Variants in CD22 observed in about 807,000 individuals in gnomAD.
CD22 encodes the protein CD22 molecule, also known as B-cell receptor CD22.
CD22 carries 51 observed loss-of-function variants against 94.7 expected under a neutral mutation model. The observed-to-expected ratio is 0.54, with a 90% CI of 0.43 to 0.68. CD22 has a LOEUF of 0.68. Among genes scored for constraint, CD22 ranks in the 30% least tolerant of loss-of-function variants. The pLI is 0.00. For synonymous variants in CD22, 424 were observed against 422.5 expected, an observed-to-expected ratio of 1.00 and a Z score of -0.04; for missense variants, 931 against 1,060.4, an observed-to-expected ratio of 0.88 and a Z score of 1.69.
intron 3 of CD22, among the ~76,000 whole-genome samples, chr19:35,333,818 A>G (rs2267573): frequency 0.8 from 121,421 of 152,188 alleles, 49,276 homozygotes; most frequent in African/African-American, 0.94. Flanking sequence ...TCAAAGCATT[A>G]GGATTACAGG....
chr19:35,338,585 T>C (rs1039185483), intron 6 of CD22, among the ~76,000 whole-genome samples, 154 bp downstream of exon 6: 22 of 152,030 alleles, frequency 1.4e-4, no homozygotes, highest in Admixed American at 1.1e-3. Flanking sequence ...GCTCCTAGCA[T>C]AGGGCCTGGC....
rs1012106322 is a variant in CD22 at position 35,341,623 on chromosome 19, G to A, written c.1771+17G>A. ...AAGTGCTGTGTGAGTGAGGGCCGGA[G>A]GCTGGGAGTGGAGCAGAGAAGGGAC... On this transcript the variant is annotated intron_variant, in intron 8 of 13. Coordinates refer to ENST00000085219, the MANE Select transcript of CD22 (RefSeq NM_001771.4). The surrounding 1 kb of genome is among the most constrained non-coding windows in gnomAD (Gnocchi z 4.0). The A allele has an allele frequency of 6.2e-7, 1 of 1,608,068 alleles. No individual in the cohort carries two copies. Among genetic ancestry groups the A allele is most frequent in the African/African-American group, 1.3e-5 (1 of 74,786 alleles).
rs1318574480 is a variant in CD22 at position 35,336,575 on chromosome 19, G to A, written c.718+234G>A. On this transcript the variant is annotated intron_variant, in intron 4 of 13. Coordinates refer to ENST00000085219, the MANE Select transcript of CD22 (RefSeq NM_001771.4). ...ACATGAATTGGGGATTATCTGGTTAGGTCTTTTTGTTCCCCTCTTGGTGGG... is the reference window on the plus strand; with the variant it reads ...ACATGAATTGGGGATTATCTGGTTAAGTCTTTTTGTTCCCCTCTTGGTGGG... 3.0e-5 allele frequency: 16 copies of A among 532,442 alleles called. No homozygotes were observed. The East Asian group carries it at 5.0e-4, about 17-fold the overall frequency. 33.0% of individuals were successfully genotyped at this position (532,442 alleles called of 1,614,324 possible). A position where few individuals can be genotyped will look rare whatever the true frequency, so the allele number is the denominator to read the frequency against.
At chr19:35,340,620 G>A (rs2066793346) in intron 6 of CD22, among the ~76,000 whole-genome samples, 2 of 152,178 alleles carry the variant, frequency 1.3e-5, no homozygotes, top group African/African-American at 2.4e-5. Context: ...GAGACCTGCA[G>A]CCCATGCCCG....
chr19:35,345,161 T>C, intron 11 of CD22, 35 bp downstream of exon 11: 25 of 1,588,902 alleles, frequency 1.6e-5, no homozygotes, highest in Non-Finnish European at 2.2e-5. Flanking sequence ...CTCATGCCTG[T>C]AATCCCAGCA....
Position 35,341,167 on chromosome 19 carries a change from T to A in CD22, c.1507+29T>A. On this transcript the variant is annotated intron_variant, in intron 7 of 13. Transcript: ENST00000085219. This position sits in a 1 kb window ranked among gnomAD's most constrained non-coding sequence, Gnocchi z 4.0. ...AGTCCCTGGGCTAGGCAGGGGGATCTGGGAGGTGGCCCGGCTGGGATGAGG... is the reference window on the plus strand; with the variant it reads ...AGTCCCTGGGCTAGGCAGGGGGATCAGGGAGGTGGCCCGGCTGGGATGAGG... The A allele has an allele frequency of 6.2e-7, 1 of 1,612,578 alleles. No homozygotes were observed.
At position 35,346,915 on chromosome 19, in the gene CD22, C is replaced by T; in HGVS notation, c.*218C>T. The T allele has an allele frequency of 1.9e-6, 1 of 524,576 alleles. No individual in the cohort carries two copies. Among genetic ancestry groups the T allele is most frequent in the Non-Finnish European group, 3.3e-6 (1 of 299,780 alleles). 32.5% of individuals were successfully genotyped at this position (524,576 alleles called of 1,614,324 possible). On this transcript the variant is annotated 3_prime_UTR_variant, in exon 14 of 14. Coordinates refer to ENST00000085219, the MANE Select transcript of CD22 (RefSeq NM_001771.4). ...AACCCCAAACCTCCAAAACTCCTGC[C>T]CCTGTTCTCTTCCACTCTCCTTGCT...
At chr19:35,330,207 A>G (rs1390954550) in intron 1 of CD22, among the ~76,000 whole-genome samples, 1 of 152,150 alleles carries the variant, frequency 6.6e-6, no homozygotes, top group Non-Finnish European at 1.5e-5. Flanking sequence ...GTGGTGGCAC[A>G]TGCCTATAGT....
intron 9 of CD22, 174 bp from the exon 10 acceptor site, chr19:35,344,655 G>A (rs1178767555): frequency 4.8e-6 from 3 of 630,492 alleles, no homozygotes; most frequent in Non-Finnish European, 2.8e-6. Flanking sequence ...ATTCCTAAAG[G>A]GAGGCCCAGA....
rs914882056 is a variant in CD22 at position 35,347,034 on chromosome 19, T to A, written c.*337T>A. The A allele has an allele frequency of 4.2e-6, 1 of 238,504 alleles. No homozygotes were observed. Among genetic ancestry groups the A allele is most frequent in the African/African-American group, 2.3e-5 (1 of 43,400 alleles). 14.8% of individuals were successfully genotyped at this position (238,504 alleles called of 1,614,324 possible). ...CCATCTCCACCCCCAGCTGCTTGTG[T>A]CCCTCCTGGGATCTGCTCGTCATCA... On this transcript the variant is annotated 3_prime_UTR_variant, in exon 14 of 14. Coordinates refer to ENST00000085219, the MANE Select transcript of CD22 (RefSeq NM_001771.4).
chr19:35,337,739 C>T lies in CD22; in HGVS notation c.719-16C>T, dbSNP rs761151993. On this transcript the variant is annotated splice_polypyrimidine_tract_variant and intron_variant, in intron 4 of 13. Coordinates refer to ENST00000085219, the MANE Select transcript of CD22 (RefSeq NM_001771.4). This position sits in a 1 kb window ranked among gnomAD's most constrained non-coding sequence, Gnocchi z 4.4. The stretch of plus-strand genomic sequence containing the variant: ...GATTCCCCGCCCCCTCCCCGACTGC[C>T]CCTCTGCTCCTCCAGACACCCCGAA... The T allele has an allele frequency of 3.2e-6, 5 of 1,580,036 alleles. No individual in the cohort carries two copies. Among genetic ancestry groups the T allele is most frequent in the South Asian group, 1.1e-5 (1 of 87,372 alleles).
chr19:35,334,091 C>T (rs573623616), intron 3 of CD22, among the ~76,000 whole-genome samples: 2 of 152,282 alleles, frequency 1.3e-5, no homozygotes, highest in South Asian at 2.1e-4. Context: ...GAGAGAAACT[C>T]TCAAATCTGA....
intron 6 of CD22, 139 bp from the exon 7 acceptor site, chr19:35,340,742 A>G: frequency 1.1e-6 from 1 of 884,272 alleles, no homozygotes; most frequent in Non-Finnish European, 1.7e-6. Context: ...AGATGCAGGA[A>G]GGACGCACAA....
In CD22 at chr19:35,329,838, C is replaced by T. The variant is rs138301475; in HGVS notation, c.-23+608C>T. 86 of 154,564 alleles carry T rather than the reference C, an allele frequency of 5.6e-4. 1 individual carries two copies. The East Asian group carries it at 0.011, about 20-fold the overall frequency. The allele number at this position is 154,564 out of a possible 1,614,324, so 9.6% of individuals were successfully genotyped here. A position where few individuals can be genotyped will look rare whatever the true frequency, so the allele number is the denominator to read the frequency against. On this transcript the variant is annotated intron_variant, in intron 1 of 13. Transcript: ENST00000085219. ...AGTCCTTGCCACAGCCCTTGTTACC[C>T]CTTAGGTAACCTTAAGGGGATTTCA... is the stretch of plus-strand genomic sequence containing the variant.
At chr19:35,340,753 G>GC in intron 6 of CD22, 128 bp from the exon 7 acceptor site, 2 of 979,866 alleles carry the variant, frequency 2.0e-6, no homozygotes, top group South Asian at 1.6e-5. Context: ...GGACGCACAA[G>GC]CCCCCCTTTG....
chr19:35,330,235 C>T (rs576361382), intron 1 of CD22, among the ~76,000 whole-genome samples: 1 of 152,266 alleles, frequency 6.6e-6, no homozygotes, highest in East Asian at 1.9e-4. Context: ...ACTCAGGAGG[C>T]TGAGGCAGGA....
chr19:35,337,822 C>T lies in CD22; in HGVS notation c.786C>T (p.Thr262=). 1 of 1,613,804 alleles carries T rather than the reference C, an allele frequency of 6.2e-7. No individual in the cohort carries two copies. The highest frequency in any genetic ancestry group is 8.5e-7 in the Non-Finnish European group (1 of 1,179,766). The change falls in exon 5 of 14, where the codon ACC becomes ACT. Residue 262 remains threonine (T), a synonymous_variant. Transcript: ENST00000085219. This position sits in a 1 kb window ranked among gnomAD's most constrained non-coding sequence, Gnocchi z 4.4. ...DAIVREGDSV[T]MTCEVSSSNP... is the part of the protein sequence containing the mutation. ...TAGTGAGGGAGGGGGACTCTGTGAC[C>T]ATGACCTGCGAGGTCAGCAGCAGCA...
At chr19:35,344,604 C>T (rs76598608) in intron 9 of CD22, 5,890 of 528,258 alleles carry the variant, frequency 0.011, 255 homozygotes, top group African/African-American at 0.1. Flanking sequence ...GGGCGTGCCA[C>T]GTCTGTGGGA....
At chr19:35,332,445 T>G (rs1482278923) in intron 2 of CD22, 102 bp from the exon 3 acceptor site, 1 of 1,254,798 alleles carries the variant, frequency 8.0e-7, no homozygotes, top group Non-Finnish European at 1.1e-6. Flanking sequence ...GACCCCTATC[T>G]CTAAAAAGAA....
Sources: gnomAD v4.1 joint callset for allele counts (sites outside exome capture counted in the v4.1 genomes callset) on GRCh38, gnomAD v4.1.1 for gene constraint, Gnocchi (gnomAD v3.1) non-coding constraint, MANE v1.5 for transcripts, NCBI Gene and HGNC (gene_info 2026-07-23, HGNC 2026-07-21) for gene names.